The following RCC1L variants were observed in gnomAD, a reference collection of about 807,000 sequenced individuals.
RCC1L encodes the protein RCC1 like, also known as RCC1-like G exchanging factor-like protein.
Under a neutral mutation model 58.6 loss-of-function variants are expected in RCC1L, and 46 were observed. That is an observed-to-expected ratio of 0.79 (90% CI 0.62 to 1.00). The LOEUF (loss-of-function observed/expected upper bound fraction) is 1.00, where lower values mean the gene tolerates loss of function less well. RCC1L is among the 50% of genes least tolerant of loss of function. RCC1L has a pLI of 0.00. For missense variants in RCC1L, 636 were observed against 623.6 expected (o/e 1.02, Z -0.21); for synonymous variants, 281 against 262.9 (o/e 1.07, Z -0.67).
At chr7:75,049,391 TGGC>T (rs1805838821) in intron 10 of RCC1L, among the ~76,000 whole-genome samples, 1 of 152,010 alleles carries the variant, frequency 6.6e-6, no homozygotes, top group South Asian at 2.1e-4. Context: ...CCGTGTGTGG[TGGC>T]ACATGCCTGT....
chr7:75,057,384 TG>T, intron 8 of RCC1L, 144 bp downstream of exon 8: 1 of 748,372 alleles, frequency 1.3e-6, no homozygotes, highest in Non-Finnish European at 2.3e-6. Flanking sequence ...CCCAAAGTGC[TG>T]GGATTACAGA....
intron 10 of RCC1L, among the ~76,000 whole-genome samples, chr7:75,044,130 G>A (rs1248112121): frequency 6.6e-6 from 1 of 152,160 alleles, no homozygotes; most frequent in Admixed American, 6.5e-5. Flanking sequence ...CTGTTCTATA[G>A]CCTCGCCATG....
intron 3 of RCC1L, among the ~76,000 whole-genome samples, chr7:75,065,496 A>G (rs1412780516): frequency 1.3e-5 from 2 of 152,134 alleles, no homozygotes; most frequent in African/African-American, 4.8e-5. Context: ...TAGAGGCTGC[A>G]GTGAGCTGAG....
intron 6 of RCC1L, among the ~76,000 whole-genome samples, chr7:75,060,210 TTGCTTTTTAG>T (rs1806228246): frequency 6.6e-6 from 1 of 152,232 alleles, no homozygotes; most frequent in Non-Finnish European, 1.5e-5. Context: ...TGGCAGCTTA[TTGCTTTTTAG>T]TGCTAAATAA....
intron 10 of RCC1L, among the ~76,000 whole-genome samples, chr7:75,044,055 T>C (rs1805642501): frequency 6.6e-6 from 1 of 152,076 alleles, no homozygotes. Context: ...CAGCCCAAGC[T>C]TCAAGGGAGC....
chr7:75,027,816 G>T, exon 11 of RCC1L: 1 of 621,928 alleles, frequency 1.6e-6, no homozygotes, highest in Non-Finnish European at 2.9e-6. Context: ...CGTAGTCTTG[G>T]TTTGGTCTCC....
intron 10 of RCC1L, among the ~76,000 whole-genome samples, chr7:75,045,942 C>T (rs1487455680): frequency 5.3e-5 from 8 of 152,254 alleles, no homozygotes; most frequent in African/African-American, 1.7e-4. Context: ...CCCCTGGTGG[C>T]AGCATGCAGC....
Position 75,063,381 on chromosome 7 carries a change from C to T in RCC1L, c.651-38G>A, listed in dbSNP as rs587709207. ...ACAAATTGGGAAGAAGCAAGGGATG[C>T]GGTCATGACAAGCACTGTGCAGCCC... On this transcript the variant is annotated intron_variant, in intron 4 of 10. Coordinates refer to ENST00000610322, the MANE Select transcript of RCC1L (RefSeq NM_030798.5). 6.0e-4 allele frequency: 967 copies of T among 1,609,232 alleles called. 15 individuals carry two copies. The South Asian group carries it at 9.7e-3, about 16-fold the overall frequency.
intron 6 of RCC1L, among the ~76,000 whole-genome samples, chr7:75,061,003 G>A (rs1806259325): frequency 6.6e-6 from 1 of 152,170 alleles, no homozygotes; most frequent in Non-Finnish European, 1.5e-5. Flanking sequence ...GAGCCTGGGA[G>A]TTTGAGACTG....
At chr7:75,066,247 T>G (rs781973515) in intron 3 of RCC1L, among the ~76,000 whole-genome samples, 1 of 151,740 alleles carries the variant, frequency 6.6e-6, no homozygotes, top group Non-Finnish European at 1.5e-5. Flanking sequence ...GTCAGGAGAT[T>G]GAGACCATCC....
At chr7:75,061,396 G>A (rs2131999965) in intron 5 of RCC1L, 105 bp from the exon 6 acceptor site, 1 of 925,950 alleles carries the variant, frequency 1.1e-6, no homozygotes, top group Non-Finnish European at 1.8e-6. Flanking sequence ...CTGGGCACCT[G>A]GAGCATGGTC....
rs1178871223 is a variant in RCC1L at position 75,058,716 on chromosome 7, C to A, written c.841G>T (p.Ala281Ser). 2 of 1,613,860 alleles carry A rather than the reference C, an allele frequency of 1.2e-6. No homozygotes were observed. Among genetic ancestry groups the A allele is most frequent in the Middle Eastern group, 1.6e-4 (1 of 6,078 alleles). The change falls in exon 7 of 11, where the codon GCG becomes TCG. Residue 281 changes from alanine (A) to serine (S), a missense_variant. By Grantham distance (99) the Ala-to-Ser change is moderately conservative. Transcript: ENST00000610322. ...SSPTKLGGDLAGVNVIQVATY... is the reference protein window; with the variant it reads ...SSPTKLGGDLSGVNVIQVATY... ...GCAACTTGGATAACGTTCACTCCCGCCAGGTCTCCACCCAGCTTGGTGGGC... is the reference window on the plus strand; with the variant it reads ...GCAACTTGGATAACGTTCACTCCCGACAGGTCTCCACCCAGCTTGGTGGGC...
Position 75,058,588 on chromosome 7 carries a change from C to A in RCC1L, c.969G>T (p.Gln323His). Residue 323 changes from glutamine (Q) to histidine (H), a missense_variant and splice_region_variant, in exon 7 of 11, where the codon CAG (glutamine) becomes CAT (histidine). By Grantham distance (24) the Gln-to-His change is conservative (BLOSUM62 0). Transcript: ENST00000610322. ...LQLASVTDSTQVNVPRCLHFS... is the reference protein window; with the variant it reads ...LQLASVTDSTHVNVPRCLHFS... ...CACCACGCTGTCGGCGACTGCATACCTGTGTGGAGTCAGTGACAGAGGCCA... is the reference window on the plus strand; with the variant it reads ...CACCACGCTGTCGGCGACTGCATACATGTGTGGAGTCAGTGACAGAGGCCA... 1 of 1,601,860 alleles carries A rather than the reference C, an allele frequency of 6.2e-7. No individual in the cohort carries two copies. The highest frequency in any genetic ancestry group is 8.5e-7 in the Non-Finnish European group (1 of 1,173,438).
In RCC1L at chr7:75,073,463, G is replaced by A; in HGVS notation, c.275C>T (p.Pro92Leu). 1 of 1,374,520 alleles carries A rather than the reference G, an allele frequency of 7.3e-7. No homozygotes were observed. The highest frequency in any genetic ancestry group is 3.9e-5 in the Admixed American group (1 of 25,466). The allele number at this position is 1,374,520 out of a possible 1,614,324, so 85.1% of individuals were successfully genotyped here. ...GGGCACGGGCTGGATCCTGCGGCGCGGTCGGGCGCCGGCGCGGGGCCCGGG... is the reference window on the plus strand; with the variant it reads ...GGGCACGGGCTGGATCCTGCGGCGCAGTCGGGCGCCGGCGCGGGGCCCGGG... Reference protein sequence around the residue: ...SGPGPRAGARPRRRIQPVPYR... With the variant: ...SGPGPRAGARLRRRIQPVPYR... Residue 92 changes from proline to leucine, a missense_variant, in exon 1 of 11, where the codon CCG becomes CTG. Transcript: ENST00000610322.
chr7:75,030,669 C>T (rs1357236927), intron 10 of RCC1L, among the ~76,000 whole-genome samples: 2 of 152,160 alleles, frequency 1.3e-5, no homozygotes, highest in Admixed American at 6.5e-5. Context: ...CAATATGGCG[C>T]TCGGCTTCCC....
intron 9 of RCC1L, chr7:75,055,669 A>C (rs1806052318): frequency 1.7e-6 from 1 of 577,790 alleles, no homozygotes; most frequent in African/African-American, 1.9e-5. Flanking sequence ...CGTTCACGTT[A>C]GCCTACCCAC....
intron 10 of RCC1L, among the ~76,000 whole-genome samples, chr7:75,036,063 G>A (rs1366238100): frequency 6.6e-6 from 1 of 151,616 alleles, no homozygotes; most frequent in African/African-American, 2.4e-5. Context: ...GGTTGAGAAT[G>A]AGAACCCCAG....
chr7:75,072,583 G>A (rs1345741868), intron 1 of RCC1L, among the ~76,000 whole-genome samples: 2 of 152,094 alleles, frequency 1.3e-5, no homozygotes, highest in African/African-American at 4.8e-5. Context: ...TTTGTTGGGT[G>A]TTTTAACTAC....
downstream of RCC1L, among the ~76,000 whole-genome samples, chr7:75,039,810 C>T (rs1442250329): frequency 3.9e-5 from 6 of 152,140 alleles, no homozygotes; most frequent in Admixed American, 6.5e-5. Context: ...CACGTGCTCA[C>T]TAAAGCGAGA....
Sources: allele counts gnomAD v4.1 joint callset (sites outside exome capture counted in the v4.1 genomes callset), GRCh38; gene constraint gnomAD v4.1.1; transcripts MANE v1.5; gene names NCBI Gene and HGNC (gene_info 2026-07-23, HGNC 2026-07-21).